The following TSHZ2 variants were observed in gnomAD, a reference collection of about 807,000 sequenced individuals.
TSHZ2 encodes teashirt homolog 2.
In TSHZ2, 21 loss-of-function variants were observed where a neutral mutation model predicts 74.4. The observed-to-expected ratio is 0.28, with a 90% confidence interval of 0.20 to 0.41. The LOEUF is 0.41. Among genes scored for constraint, TSHZ2 ranks in the 10% least tolerant of loss-of-function variants. The probability of loss-of-function intolerance (pLI) is 1.00; values close to 1 mark genes in which losing one functional copy is unlikely to be tolerated. For synonymous variants in TSHZ2, 540 were observed against 515.3 expected (o/e 1.05, Z -0.65); for missense variants, 1,244 against 1,293.5 (o/e 0.96, Z 0.59).
At chr20:53,277,392 A>G (rs1990968368) in intron 2 of TSHZ2, among the ~76,000 whole-genome samples, 4 of 151,994 alleles carry the variant, frequency 2.6e-5, no homozygotes, top group Non-Finnish European at 4.4e-5. Context: ...TTGCCATCCT[A>G]TTGTTTCTTT....
chr20:53,144,635 G>A (rs1396654672), intron 1 of TSHZ2, among the ~76,000 whole-genome samples: 3 of 151,960 alleles, frequency 2.0e-5, no homozygotes, highest in African/African-American at 7.3e-5. Context: ...AGAAAACTGG[G>A]GCACAGAGAT....
rs538527039 is a variant in TSHZ2, at chr20:53,338,568, A to G, written c.*8+81997A>G. Among the ~76,000 whole-genome samples the G allele has an allele frequency of 2.6e-5, 4 of 152,318 alleles. No individual in the cohort carries two copies. In the East Asian group the frequency reaches 5.8e-4, roughly 22 times the overall value. ...GGGACAGTTGACAATGCCTAGAGAC[A>G]TGGTTGATCATGACTTGGAGGGCTG... On this transcript the variant is annotated intron_variant, in intron 2 of 2. Transcript: ENST00000371497.
At chr20:53,134,521 AT>A (rs1218281948) in intron 1 of TSHZ2, among the ~76,000 whole-genome samples, 2 of 152,104 alleles carry the variant, frequency 1.3e-5, no homozygotes, top group Admixed American at 1.3e-4. Context: ...GAAGCTGGGC[AT>A]TTGGAAAGGG....
chr20:53,315,931 A>C (rs1978987344), intron 2 of TSHZ2, among the ~76,000 whole-genome samples: 1 of 152,154 alleles, frequency 6.6e-6, no homozygotes, highest in Non-Finnish European at 1.5e-5. Context: ...TGGGTGTTCC[A>C]TAGGTGAAAG....
intron 2 of TSHZ2, among the ~76,000 whole-genome samples, chr20:53,379,071 A>G (rs753754605): frequency 6.6e-6 from 1 of 152,140 alleles, no homozygotes; most frequent in Non-Finnish European, 1.5e-5. Flanking sequence ...CACCTAGCAC[A>G]GTGCTTGCTA....
chr20:53,294,995 C>T (rs1189757996), intron 2 of TSHZ2, among the ~76,000 whole-genome samples: 1 of 152,186 alleles, frequency 6.6e-6, no homozygotes, highest in Admixed American at 6.5e-5. Context: ...TTGCTTGGTC[C>T]TCCCTGTGAT....
chr20:53,093,225 T>C (rs73140232), intron 1 of TSHZ2, among the ~76,000 whole-genome samples: 10,275 of 152,290 alleles, frequency 0.067, 443 homozygotes, highest in Non-Finnish European at 0.1. Flanking sequence ...TGCTCAGTGA[T>C]GAACACAGAC....
At chr20:53,268,521 C>T (rs907012318) in intron 2 of TSHZ2, among the ~76,000 whole-genome samples, 25 of 152,322 alleles carry the variant, frequency 1.6e-4, no homozygotes, top group South Asian at 6.2e-4. Flanking sequence ...TAAGCATGTG[C>T]GGGATGGAAC....
intron 2 of TSHZ2, among the ~76,000 whole-genome samples, chr20:53,357,733 G>A (rs1980898962): frequency 6.6e-6 from 1 of 152,114 alleles, no homozygotes; most frequent in Non-Finnish European, 1.5e-5. Context: ...CTTCGTCACT[G>A]AGGTGCTGCT....
chr20:53,388,241 G>A (rs6022440), intron 2 of TSHZ2, among the ~76,000 whole-genome samples: 15,624 of 152,132 alleles, frequency 0.1, 2,175 homozygotes, highest in African/African-American at 0.32. Context: ...TTTCTCTTCA[G>A]TAGGTGAAGA....
intron 1 of TSHZ2, among the ~76,000 whole-genome samples, chr20:53,216,984 G>A (rs1396245855): frequency 1.3e-5 from 2 of 152,184 alleles, no homozygotes; most frequent in East Asian, 3.9e-4. Flanking sequence ...TTCCAAAGAG[G>A]CCGTGTCTTT....
In TSHZ2 at chr20:53,469,062, T is replaced by TAC. The variant is rs1201961193; in HGVS notation, c.*9-18081_*9-18080insCA. Among the ~76,000 whole-genome samples the TAC allele has an allele frequency of 4.6e-3, 571 of 123,526 alleles. 13 individuals are homozygous for TAC. The highest frequency in any genetic ancestry group is 0.017 in the African/African-American group (548 of 33,030). 81.0% of individuals were successfully genotyped at this position (123,526 alleles called of 152,430 possible). ...TCGATATTTTATATATATATATATA[T>TAC]ATATATATATATATATATATATGTA... On this transcript the variant is annotated intron_variant, in intron 2 of 2. Coordinates refer to ENST00000371497, the MANE Select transcript of TSHZ2 (RefSeq NM_173485.6).
intron 1 of TSHZ2, among the ~76,000 whole-genome samples, chr20:53,115,457 A>G (rs1238935033): frequency 6.6e-6 from 1 of 152,146 alleles, no homozygotes; most frequent in African/African-American, 2.4e-5. Context: ...GCCATGTAAG[A>G]CATGCCTTTG....
chr20:53,190,135 A>G (rs1382993289), intron 1 of TSHZ2, among the ~76,000 whole-genome samples: 2 of 89,900 alleles, frequency 2.2e-5, no homozygotes, highest in African/African-American at 4.3e-5. Context: ...ATATATATAT[A>G]TATTTTCTTA....
At chr20:53,225,925 TC>T (rs1989674621) in intron 1 of TSHZ2, among the ~76,000 whole-genome samples, 1 of 152,238 alleles carries the variant, frequency 6.6e-6, no homozygotes, top group Non-Finnish European at 1.5e-5. Flanking sequence ...AGTGAAAAAT[TC>T]TACTATGGAT....
intron 2 of TSHZ2, among the ~76,000 whole-genome samples, chr20:53,275,244 A>G (rs1275805950): frequency 6.6e-6 from 1 of 152,128 alleles, no homozygotes; most frequent in Non-Finnish European, 1.5e-5. Flanking sequence ...AGCTCACCTT[A>G]TCAAGCTTTA....
chr20:53,276,698 C>T (rs1009269633), intron 2 of TSHZ2, among the ~76,000 whole-genome samples: 1 of 152,164 alleles, frequency 6.6e-6, no homozygotes, highest in African/African-American at 2.4e-5. Flanking sequence ...AAGGACTGAG[C>T]GCCATCCCCC....
intron 1 of TSHZ2, among the ~76,000 whole-genome samples, chr20:53,022,718 G>A (rs182575203): frequency 9.9e-5 from 15 of 152,230 alleles, no homozygotes; most frequent in Admixed American, 7.2e-4. Context: ...ACGTGTAATC[G>A]TGTCTCTAAT....
intron 2 of TSHZ2, among the ~76,000 whole-genome samples, chr20:53,359,677 A>G (rs1466619145): frequency 6.6e-6 from 1 of 152,160 alleles, no homozygotes. Context: ...AACAGCTCTG[A>G]GCCATGTGGT....
Sources: gnomAD v4.1 joint callset for allele counts (sites outside exome capture counted in the v4.1 genomes callset) on GRCh38, gnomAD v4.1.1 for gene constraint, MANE v1.5 for transcripts, NCBI Gene and HGNC (gene_info 2026-07-23, HGNC 2026-07-21) for gene names.